The following RCBTB1 variants were observed in gnomAD, a reference collection of about 807,000 sequenced individuals.
RCBTB1 encodes RCC1 and BTB domain containing protein 1.
In RCBTB1, 46 loss-of-function variants were observed where a neutral mutation model predicts 62.4. That is an observed-to-expected ratio of 0.74 (90% CI 0.58 to 0.94). RCBTB1 has a LOEUF of 0.94. Ranked by LOEUF, RCBTB1 falls within the 40% of genes least tolerant of loss-of-function variation. The probability of loss-of-function intolerance (pLI) is 0.00; values close to 1 mark genes in which losing one functional copy is unlikely to be tolerated. For synonymous variants in RCBTB1, 222 were observed against 245.8 expected (o/e 0.90, Z 0.91); for missense variants, 565 against 654.9 (o/e 0.86, Z 1.50).
At chr13:49,551,299 T>C in intron 8 of RCBTB1, 27 bp downstream of exon 8, 1 of 1,611,566 alleles carries the variant, frequency 6.2e-7, no homozygotes. Context: ...GCACACACAG[T>C]CCCAAGACGT....
intron 2 of RCBTB1, among the ~76,000 whole-genome samples, chr13:49,576,130 T>C (rs912710552): frequency 2.4e-5 from 3 of 124,540 alleles, no homozygotes; most frequent in Admixed American, 2.4e-4. Context: ...GAGCTTGCAG[T>C]GAGCCAAGAT....
intron 4 of RCBTB1, among the ~76,000 whole-genome samples, chr13:49,561,487 T>C (rs1019933549): frequency 6.6e-6 from 1 of 152,216 alleles, no homozygotes; most frequent in Admixed American, 6.5e-5. Context: ...ATCCATGATA[T>C]TGTGTTAAAA....
chr13:49,571,788 CATT>C (rs1286120240), intron 2 of RCBTB1, among the ~76,000 whole-genome samples: 2 of 152,296 alleles, frequency 1.3e-5, no homozygotes, highest in East Asian at 3.9e-4. Context: ...CCACCATCCT[CATT>C]ATAATTTGAC....
intron 1 of RCBTB1, among the ~76,000 whole-genome samples, chr13:49,581,574 T>C (rs962584413): frequency 1.3e-5 from 2 of 152,192 alleles, no homozygotes; most frequent in Non-Finnish European, 2.9e-5. Context: ...TTTGGAAATC[T>C]GGCATGAAAT....
chr13:49,545,492 A>G (rs1960717899), intron 9 of RCBTB1, among the ~76,000 whole-genome samples: 1 of 152,252 alleles, frequency 6.6e-6, no homozygotes, highest in Non-Finnish European at 1.5e-5. Flanking sequence ...GAACAGTTTT[A>G]TAAGAACACA....
chr13:49,583,356 C>G (rs1964213713), intron 1 of RCBTB1, among the ~76,000 whole-genome samples: 1 of 150,552 alleles, frequency 6.6e-6, no homozygotes, highest in Non-Finnish European at 1.5e-5. Context: ...GTGAGCTTTT[C>G]TACCCCAGGA....
chr13:49,544,909 A>AT, intron 9 of RCBTB1, 46 bp from the exon 10 acceptor site: 1 of 1,542,606 alleles, frequency 6.5e-7, no homozygotes, highest in Non-Finnish European at 8.8e-7. Context: ...CAAGGAACAG[A>AT]TTGAAGATTC....
chr13:49,540,611 C>T (rs1960266945), intron 12 of RCBTB1, among the ~76,000 whole-genome samples: 2 of 152,226 alleles, frequency 1.3e-5, no homozygotes, highest in African/African-American at 4.8e-5. Context: ...AGTTGTGGCA[C>T]CTTATGTTCC....
In RCBTB1 at chr13:49,556,936, A is replaced by G. The variant is rs114126793; in HGVS notation, c.445-1263T>C. Among the ~76,000 whole-genome samples the G allele has an allele frequency of 3.2e-3, 489 of 152,304 alleles. 1 individual carries two copies. The highest frequency in any genetic ancestry group is 0.011 in the African/African-American group (463 of 41,550). Reference sequence around the variant, plus strand: ...ATCATTCTTCTGGCACTTCTCAAATACATCACATTCCCTTGCAGTGCTGCT... The same window carrying G: ...ATCATTCTTCTGGCACTTCTCAAATGCATCACATTCCCTTGCAGTGCTGCT... On this transcript the variant is annotated intron_variant, in intron 5 of 12. Coordinates refer to ENST00000378302, the MANE Select transcript of RCBTB1 (RefSeq NM_018191.4).
chr13:49,564,171 AC>A (rs1162756808), intron 4 of RCBTB1, among the ~76,000 whole-genome samples: 1 of 152,184 alleles, frequency 6.6e-6, no homozygotes, highest in Non-Finnish European at 1.5e-5. Context: ...GAACCTATCA[AC>A]CTGCATCCCC....
chr13:49,579,626 A>G (rs1359347460), intron 2 of RCBTB1, among the ~76,000 whole-genome samples: 2 of 966 alleles, frequency 2.1e-3, no homozygotes, highest in East Asian at 0.014. Flanking sequence ...TTGTCTCAGA[A>G]AAAAAAAAAA....
chr13:49,579,143 T>G (rs1963949575), intron 2 of RCBTB1, among the ~76,000 whole-genome samples: 1 of 152,206 alleles, frequency 6.6e-6, no homozygotes. Flanking sequence ...GATAAGCCTC[T>G]AAGAATCAGC....
intron 12 of RCBTB1, among the ~76,000 whole-genome samples, chr13:49,538,995 G>A (rs1428244734): frequency 2.0e-5 from 3 of 150,514 alleles, no homozygotes; most frequent in East Asian, 2.0e-4. Flanking sequence ...TCAGCCTCCC[G>A]AATAGCTGGG....
chr13:49,547,097 G>C, intron 9 of RCBTB1: 2 of 1,283,442 alleles, frequency 1.6e-6, no homozygotes, highest in Non-Finnish European at 1.0e-6. Context: ...GCTTCAGCTG[G>C]GTATGCCATA....
intron 2 of RCBTB1, among the ~76,000 whole-genome samples, chr13:49,568,093 C>T (rs12429331): frequency 0.19 from 28,318 of 152,170 alleles, 3,399 homozygotes; most frequent in African/African-American, 0.34. Flanking sequence ...CTTCTGGAAA[C>T]AGTGCTCATG....
intron 2 of RCBTB1, among the ~76,000 whole-genome samples, chr13:49,568,790 A>G (rs1963202415): frequency 6.6e-6 from 1 of 152,162 alleles, no homozygotes; most frequent in Admixed American, 6.5e-5. Context: ...TTAGCTGGGC[A>G]TGGTGGTGTG....
chr13:49,558,149 C>A (rs952844843), intron 5 of RCBTB1, among the ~76,000 whole-genome samples: 1 of 152,200 alleles, frequency 6.6e-6, no homozygotes, highest in South Asian at 2.1e-4. Flanking sequence ...TCTGGGTACT[C>A]TGATTTCCTC....
rs950020100 is a variant in RCBTB1 at position 49,532,351 on chromosome 13, A to G, written c.*1771T>C. The G allele has an allele frequency of 3.3e-5, 5 of 152,652 alleles. No individual in the cohort carries two copies. The highest frequency in any genetic ancestry group is 7.3e-5 in the Non-Finnish European group (5 of 68,046). The allele number at this position is 152,652 out of a possible 1,614,324, so 9.5% of individuals were successfully genotyped here. Reference sequence around the variant, plus strand: ...ATGAACTATCTATGGATATGAATTTACTACTTTAATTTGTGCTTTTTTTGA... The same window carrying G: ...ATGAACTATCTATGGATATGAATTTGCTACTTTAATTTGTGCTTTTTTTGA... On this transcript the variant is annotated 3_prime_UTR_variant, in exon 13 of 13. Transcript: ENST00000378302.
chr13:49,564,837 G>A (rs1387599891), intron 4 of RCBTB1, among the ~76,000 whole-genome samples: 1 of 151,850 alleles, frequency 6.6e-6, no homozygotes, highest in African/African-American at 2.4e-5. Flanking sequence ...CATGCAGTGA[G>A]CCGAGATTGC....
Sources: gnomAD v4.1 joint callset for allele counts (sites outside exome capture counted in the v4.1 genomes callset) on GRCh38, gnomAD v4.1.1 for gene constraint, MANE v1.5 for transcripts, NCBI Gene and HGNC (gene_info 2026-07-23, HGNC 2026-07-21) for gene names.